Variants in PAK1 observed in about 807,000 individuals in gnomAD.
PAK1 encodes the protein serine/threonine-protein kinase PAK 1.
PAK1 carries 29 observed loss-of-function variants against 67.4 expected under a neutral mutation model. The ratio of observed to expected loss-of-function variants is 0.43; its 90% CI spans 0.32 to 0.59. The LOEUF (loss-of-function observed/expected upper bound fraction) is 0.59. PAK1 is among the 20% of genes least tolerant of loss of function. The probability of loss-of-function intolerance (pLI) is 0.07; values close to 1 mark genes in which losing one functional copy is unlikely to be tolerated. For synonymous variants in PAK1, 223 were observed against 237.4 expected (o/e 0.94, Z 0.56); for missense variants, 337 against 670.7 (o/e 0.50, Z 5.50).
the PAK1 span, among the ~76,000 whole-genome samples, chr11:77,490,462 G>C: frequency 1.4e-5 from 2 of 146,996 alleles, no homozygotes; most frequent in African/African-American, 5.0e-5. Flanking sequence ...GAGGTGGGGG[G>C]GTCAGCCCCC....
chr11:77,525,230 T>C, the PAK1 span, among the ~76,000 whole-genome samples: 1 of 150,656 alleles, frequency 6.6e-6, no homozygotes, highest in African/African-American at 2.4e-5. Context: ...GCACCTGTAG[T>C]CCCAGGTACT....
intron 4 of PAK1, 112 bp from the exon 5 acceptor site, chr11:77,374,477 A>G (rs938631226): frequency 1.7e-5 from 12 of 715,082 alleles, no homozygotes; most frequent in Admixed American, 4.0e-5. Flanking sequence ...GAGAATAGTA[A>G]TAGTATGACT....
rs78469737 is a variant in PAK1, at chr11:77,375,097, C to T, written c.440-732G>A. 1.5e-3 allele frequency among the ~76,000 whole-genome samples: 222 copies of T among 152,284 alleles called. 5 individuals carry two copies. The East Asian group carries it at 0.035, about 24-fold the overall frequency. ...CCTTATAATATTAATTATCAGACCA[C>T]CATTGTATATGCGGTCTGTTGTTGT... On this transcript the variant is annotated intron_variant, in intron 4 of 14. Coordinates refer to ENST00000356341, the MANE Select transcript of PAK1 (RefSeq NM_002576.5).
chr11:77,422,894 G>A (rs887698833), intron 1 of PAK1, among the ~76,000 whole-genome samples: 8 of 152,148 alleles, frequency 5.3e-5, no homozygotes, highest in African/African-American at 1.9e-4. Flanking sequence ...AAGTACAAGA[G>A]TGAAAAGCAC....
chr11:77,520,922 G>T, the PAK1 span, among the ~76,000 whole-genome samples: 4 of 152,278 alleles, frequency 2.6e-5, no homozygotes, highest in Admixed American at 2.0e-4. Flanking sequence ...GTGACAGGGT[G>T]CCACCCATGG....
chr11:77,430,839 A>G (rs945390250), intron 1 of PAK1, among the ~76,000 whole-genome samples: 2 of 152,218 alleles, frequency 1.3e-5, no homozygotes, highest in African/African-American at 2.4e-5. Flanking sequence ...AACTAATTTC[A>G]GGGGTCCCCA....
At chr11:77,510,605 A>T in the PAK1 span, among the ~76,000 whole-genome samples, 1 of 152,242 alleles carries the variant, frequency 6.6e-6, no homozygotes, top group Non-Finnish European at 1.5e-5. Context: ...AGTTCAACAA[A>T]TGGAAAGATA....
chr11:77,464,039 T>C (rs985857090), intron 1 of PAK1, among the ~76,000 whole-genome samples: 1 of 152,246 alleles, frequency 6.6e-6, no homozygotes, highest in Non-Finnish European at 1.5e-5. Context: ...ATAACCAATA[T>C]AAAAAGTTAA....
At chr11:77,489,487 C>G in the PAK1 span, among the ~76,000 whole-genome samples, 1 of 151,964 alleles carries the variant, frequency 6.6e-6, no homozygotes, top group Admixed American at 6.6e-5. Context: ...CACGGTCTCC[C>G]TCTGATGCCA....
At chr11:77,517,121 G>C in the PAK1 span, among the ~76,000 whole-genome samples, 1 of 152,092 alleles carries the variant, frequency 6.6e-6, no homozygotes, top group African/African-American at 2.4e-5. Flanking sequence ...AGAACCCAGG[G>C]CTCAAATAAT....
intron 2 of PAK1, among the ~76,000 whole-genome samples, chr11:77,381,138 AGT>A (rs34083265): frequency 0.039 from 5,596 of 143,954 alleles, 109 homozygotes; most frequent in Middle Eastern, 0.1. Flanking sequence ...CTCACCACAG[AGT>A]GTGTGTGTGT....
chr11:77,523,751 T>C, the PAK1 span, among the ~76,000 whole-genome samples: 1 of 152,184 alleles, frequency 6.6e-6, no homozygotes, highest in South Asian at 2.1e-4. Flanking sequence ...TTAATATATA[T>C]GCATTTTTCC....
chr11:77,362,817 G>A (rs956720761), intron 5 of PAK1, among the ~76,000 whole-genome samples: 2 of 152,212 alleles, frequency 1.3e-5, no homozygotes, highest in African/African-American at 4.8e-5. Flanking sequence ...ATATCTAAAT[G>A]ATGGGGCACT....
At chr11:77,387,320 G>A (rs190210302) in intron 2 of PAK1, among the ~76,000 whole-genome samples, 69 of 152,290 alleles carry the variant, frequency 4.5e-4, no homozygotes, top group South Asian at 4.3e-3. Context: ...TGATCCGCCC[G>A]CCTCGGCCTC....
intron 1 of PAK1, among the ~76,000 whole-genome samples, chr11:77,397,449 T>A (rs1400285454): frequency 6.6e-6 from 1 of 152,198 alleles, no homozygotes; most frequent in Non-Finnish European, 1.5e-5. Context: ...ACCTATGACC[T>A]GTAATTTGAT....
intron 2 of PAK1, among the ~76,000 whole-genome samples, chr11:77,386,569 C>T (rs1950474416): frequency 6.6e-6 from 1 of 152,264 alleles, no homozygotes; most frequent in Admixed American, 6.5e-5. Context: ...CCCCCAGGCA[C>T]ATACTGAGGC....
At chr11:77,448,841 C>G (rs1015635877) in intron 1 of PAK1, among the ~76,000 whole-genome samples, 1 of 152,102 alleles carries the variant, frequency 6.6e-6, no homozygotes, top group Non-Finnish European at 1.5e-5. Context: ...TTGAGAAACT[C>G]TTGAAACTAT....
chr11:77,337,430 A>G lies in PAK1; in HGVS notation c.1117-7T>C. 2 of 1,531,530 alleles carry G rather than the reference A, an allele frequency of 1.3e-6. No homozygotes were observed. The highest frequency in any genetic ancestry group is 1.8e-6 in the Non-Finnish European group (2 of 1,106,226). 94.9% of individuals were successfully genotyped at this position (1,531,530 alleles called of 1,614,324 possible). On this transcript the variant is annotated splice_region_variant and splice_polypyrimidine_tract_variant and intron_variant, in intron 11 of 14. Transcript: ENST00000356341. ...ACTCCAGAGCCTGCAGACACTATTGAAGTGGTGTGGGCAGGGGGAGAAAGA... is the reference window on the plus strand; with the variant it reads ...ACTCCAGAGCCTGCAGACACTATTGGAGTGGTGTGGGCAGGGGGAGAAAGA...
At position 77,474,066 on chromosome 11, in the gene PAK1, C is replaced by G. The variant is rs936650938; in HGVS notation, c.-536G>C. On this transcript the variant is annotated 5_prime_UTR_variant, in exon 1 of 15. Transcript: ENST00000356341. ...CCGGCTGCAGCCGCGGGAGGGCAGC[C>G]TCCCCCGCCCACAGCCGCGCTATTG... The G allele has an allele frequency of 6.6e-6, 1 of 152,162 alleles. No individual in the cohort carries two copies. Among genetic ancestry groups the G allele is most frequent in the African/African-American group, 2.4e-5 (1 of 41,386 alleles). The allele number at this position is 152,162 out of a possible 1,614,324, so 9.4% of individuals were successfully genotyped here.
Sources: allele counts gnomAD v4.1 joint callset (sites outside exome capture counted in the v4.1 genomes callset), GRCh38; gene constraint gnomAD v4.1.1; transcripts MANE v1.5; gene names NCBI Gene and HGNC (gene_info 2026-07-23, HGNC 2026-07-21).